The following DPY19L3 variants were observed in gnomAD, a reference collection of about 807,000 sequenced individuals.
DPY19L3 encodes the protein dpy-19 like C-mannosyltransferase 3.
A neutral mutation model predicts 92.3 loss-of-function variants in DPY19L3; 51 were observed. That is an observed-to-expected ratio of 0.55 (90% CI 0.44 to 0.70). The LOEUF (loss-of-function observed/expected upper bound fraction) is 0.70, where lower values mean the gene tolerates loss of function less well. DPY19L3 is among the 30% of genes least tolerant of loss of function. DPY19L3 has a pLI of 0.00. For missense variants in DPY19L3, 706 were observed against 855.9 expected, an observed-to-expected ratio of 0.82 and a Z score of 2.18; for synonymous variants, 309 against 315.2, an observed-to-expected ratio of 0.98 and a Z score of 0.21.
At chr19:32,416,557 C>A (rs533860170) in intron 3 of DPY19L3, among the ~76,000 whole-genome samples, 1 of 152,352 alleles carries the variant, frequency 6.6e-6, no homozygotes, top group Non-Finnish European at 1.5e-5. Flanking sequence ...TTCACTAGAA[C>A]AACTGACAGA....
At chr19:32,430,313 G>A (rs1426867183) in intron 3 of DPY19L3, among the ~76,000 whole-genome samples, 2 of 151,936 alleles carry the variant, frequency 1.3e-5, no homozygotes, top group African/African-American at 2.4e-5. Context: ...ACCCTGACAC[G>A]CAAAGGCTAC....
chr19:32,463,772 G>T (rs903596354), intron 13 of DPY19L3, 97 bp from the exon 14 acceptor site: 1 of 1,065,226 alleles, frequency 9.4e-7, no homozygotes, highest in African/African-American at 1.6e-5. Context: ...GTAAGATTTT[G>T]CCGTCATAGA....
chr19:32,421,123 A>G (rs748013155), intron 3 of DPY19L3, among the ~76,000 whole-genome samples: 1 of 152,156 alleles, frequency 6.6e-6, no homozygotes, highest in Non-Finnish European at 1.5e-5. Context: ...TTATTCCACT[A>G]TTTCCATGCT....
At position 32,412,244 on chromosome 19, in the gene DPY19L3, A is replaced by C. The variant is rs1474759094; in HGVS notation, c.237+872A>C. On this transcript the variant is annotated intron_variant, in intron 3 of 18. Coordinates refer to ENST00000392250, the MANE Select transcript of DPY19L3 (RefSeq NM_001172774.2). ...TATTTAGCAGTTATTCTAAATTAGT[A>C]TTTTTCAAGTTATAGATTGTGAAAT... 5 of 152,082 alleles carry C rather than the reference A, an allele frequency of 3.3e-5. 1 individual carries two copies. The highest frequency in any genetic ancestry group is 9.6e-5 in the African/African-American group (4 of 41,476). The allele number at this position is 152,082 out of a possible 1,614,324, so 9.4% of individuals were successfully genotyped here.
At chr19:32,445,121 G>A (rs1969447953) in intron 8 of DPY19L3, among the ~76,000 whole-genome samples, 1 of 149,280 alleles carries the variant, frequency 6.7e-6, no homozygotes, top group Admixed American at 6.7e-5. Flanking sequence ...AAAAGGAAGT[G>A]GCCTAGTATT....
At position 32,466,800 on chromosome 19, in the gene DPY19L3, C is replaced by G. The variant is rs536098587; in HGVS notation, c.1615-1931C>G. Among the ~76,000 whole-genome samples the G allele has an allele frequency of 5.3e-5, 8 of 152,318 alleles. No homozygotes were observed. In the East Asian group the frequency reaches 1.5e-3, roughly 29 times the overall value. ...GAAATCCTAATGCATTCAGCTTTCA[C>G]TGTATAAAATAGTTCAGATATTTCA... On this transcript the variant is annotated intron_variant, in intron 15 of 18. Transcript: ENST00000392250.
intron 16 of DPY19L3, among the ~76,000 whole-genome samples, chr19:32,471,022 T>G (rs1241260636): frequency 3.3e-5 from 5 of 152,182 alleles, no homozygotes; most frequent in African/African-American, 1.2e-4. Flanking sequence ...AACACTCAAA[T>G]CCACACTGGC....
rs1051556948 is a variant in DPY19L3 at position 32,484,921 on chromosome 19, T to C, written c.*2681T>C. 2 of 152,170 alleles carry C rather than the reference T, an allele frequency of 1.3e-5. No homozygotes were observed. The highest frequency in any genetic ancestry group is 6.5e-5 in the Admixed American group (1 of 15,284). The allele number at this position is 152,170 out of a possible 1,614,324, so 9.4% of individuals were successfully genotyped here. Reference sequence around the variant, plus strand: ...GTGTGGCTGGGAATATTATAAGATATTGGGGAAAATATACAAATCAAGAAA... The same window carrying C: ...GTGTGGCTGGGAATATTATAAGATACTGGGGAAAATATACAAATCAAGAAA... On this transcript the variant is annotated 3_prime_UTR_variant, in exon 19 of 19. Transcript: ENST00000392250.
At chr19:32,481,834 A>G in intron 18 of DPY19L3, 1 of 463,960 alleles carries the variant, frequency 2.2e-6, no homozygotes. Flanking sequence ...CCTGAGTTCT[A>G]GTTCTGGCTT....
intron 4 of DPY19L3, among the ~76,000 whole-genome samples, chr19:32,434,423 G>A (rs550467498): frequency 6.6e-6 from 1 of 152,268 alleles, no homozygotes; most frequent in Non-Finnish European, 1.5e-5. Flanking sequence ...TTGGGAGGCC[G>A]AGGCGGATGG....
intron 12 of DPY19L3, among the ~76,000 whole-genome samples, chr19:32,460,316 C>T (rs10421787): frequency 0.32 from 48,072 of 151,974 alleles, 8,854 homozygotes; most frequent in African/African-American, 0.5. Context: ...GAGGCTAAGG[C>T]GGGAGGATCA....
Position 32,437,199 on chromosome 19 carries a change from T to C in DPY19L3, c.456T>C (p.Tyr152=), listed in dbSNP as rs1969170124. 2 of 1,613,938 alleles carry C rather than the reference T, an allele frequency of 1.2e-6. No individual in the cohort carries two copies. Among genetic ancestry groups the C allele is most frequent in the Admixed American group, 1.7e-5 (1 of 59,988 alleles). ...TTTATTGTTCCCTTTTACAGAAATATTTAGAGCCAGTTTATTTTTATATTT... is the reference window on the plus strand; with the variant it reads ...TTTATTGTTCCCTTTTACAGAAATACTTAGAGCCAGTTTATTTTTATATTT... ...ILYRVLPIQK[Y]LEPVYFYIYT... The change falls in exon 6 of 19, where the codon TAT becomes TAC. Residue 152 remains tyrosine (Y), a synonymous_variant. Coordinates refer to ENST00000392250, the MANE Select transcript of DPY19L3 (RefSeq NM_001172774.2).
intron 3 of DPY19L3, among the ~76,000 whole-genome samples, chr19:32,431,336 C>T (rs1224691609): frequency 1.3e-5 from 2 of 151,614 alleles, no homozygotes; most frequent in Non-Finnish European, 2.9e-5. Flanking sequence ...CGAGATCGCA[C>T]CATTGCACTC....
intron 12 of DPY19L3, among the ~76,000 whole-genome samples, chr19:32,459,512 T>A (rs965310505): frequency 6.6e-5 from 10 of 152,236 alleles, no homozygotes; most frequent in African/African-American, 2.4e-4. Context: ...ATAAACTATT[T>A]TACTATCCTT....
At chr19:32,463,300 C>G in intron 12 of DPY19L3, 66 bp from the exon 13 acceptor site, 1 of 1,557,738 alleles carries the variant, frequency 6.4e-7, no homozygotes, top group African/African-American at 1.4e-5. Flanking sequence ...GTATCTTCTT[C>G]TTTTACAAAG....
chr19:32,414,949 G>T (rs1389984898), intron 3 of DPY19L3, among the ~76,000 whole-genome samples: 3 of 152,146 alleles, frequency 2.0e-5, no homozygotes, highest in Admixed American at 1.3e-4. Flanking sequence ...CCTGTTCTGT[G>T]GGTAACATTG....
Position 32,480,519 on chromosome 19 carries a change from T to C in DPY19L3, c.1951T>C (p.Cys651Arg). The C allele has an allele frequency of 6.2e-7, 1 of 1,614,120 alleles. No individual in the cohort carries two copies. The highest frequency in any genetic ancestry group is 8.5e-7 in the Non-Finnish European group (1 of 1,179,986). ...ICYERRHRRGCRLRDLLDIAN... is the reference protein window; with the variant it reads ...ICYERRHRRGRRLRDLLDIAN... ...CTACGAGCGGAGGCACCGCCGGGGC[T>C]GCCGACTCCGGGACCTGCTGGACAT... is the stretch of plus-strand genomic sequence containing the variant. The change falls in exon 18 of 19, where the codon TGC (cysteine) becomes CGC (arginine). Residue 651 changes from cysteine to arginine, a missense_variant. Cys to Arg is a radical substitution (Grantham distance 180). Coordinates refer to ENST00000392250, the MANE Select transcript of DPY19L3 (RefSeq NM_001172774.2).
At chr19:32,413,358 T>A (rs533015635) in intron 3 of DPY19L3, among the ~76,000 whole-genome samples, 1 of 152,324 alleles carries the variant, frequency 6.6e-6, no homozygotes, top group African/African-American at 2.4e-5. Flanking sequence ...CTCTAGTGTG[T>A]TTATTTTTAA....
In DPY19L3 at chr19:32,482,230, GA is replaced by G; in HGVS notation, c.2144del (p.Asn715ThrfsTer24). 1 of 1,611,488 alleles carries G rather than the reference GA, an allele frequency of 6.2e-7. No individual in the cohort carries two copies. The highest frequency in any genetic ancestry group is 8.5e-7 in the Non-Finnish European group (1 of 1,179,268). On this transcript the variant is annotated frameshift_variant, in exon 19 of 19. Transcript: ENST00000392250. LOFTEE classifies it high-confidence loss of function. ...ACCTTCCACGTTTACAAGCTGTCCAGAAACAAGTAGCGCAGATTTCTGCCCA... is the reference window on the plus strand; with the variant it reads ...ACCTTCCACGTTTACAAGCTGTCCAGAACAAGTAGCGCAGATTTCTGCCCA... ...NKTFHVYKLS[R>X]NK
Sources: allele counts gnomAD v4.1 joint callset (sites outside exome capture counted in the v4.1 genomes callset), GRCh38; gene constraint gnomAD v4.1.1; transcripts MANE v1.5; gene names NCBI Gene and HGNC (gene_info 2026-07-23, HGNC 2026-07-21).